WDR90: variants seen among roughly 807,000 people sequenced by gnomAD.
WDR90 encodes the protein WD repeat-containing protein 90.
In WDR90, 238 loss-of-function variants were observed where a neutral mutation model predicts 195.2. The ratio of observed to expected loss-of-function variants is 1.22; its 90% CI spans 1.10 to 1.36. WDR90 has a LOEUF of 1.36. WDR90 is among the 40% of genes most tolerant of loss of function. WDR90 has a pLI of 0.00. For synonymous variants in WDR90, 1,265 were observed against 1,052.4 expected, an observed-to-expected ratio of 1.20 and a Z score of -3.91; for missense variants, 2,734 against 2,439.5, an observed-to-expected ratio of 1.12 and a Z score of -2.54.
Position 662,872 on chromosome 16 carries a change from C to T in WDR90, c.4311+28C>T, listed in dbSNP as rs142754482. ...GAGGGACTTCCAGCCTGGGCAGAGG[C>T]GGGGCAGCCGAACCTGGTGCCCTCC... On this transcript the variant is annotated intron_variant, in intron 34 of 40. Coordinates refer to ENST00000293879, the MANE Select transcript of WDR90 (RefSeq NM_145294.5). 1.2e-3 allele frequency: 1,859 copies of T among 1,537,506 alleles called. 19 individuals are homozygous for T. The African/African-American group carries it at 0.022, about 18-fold the overall frequency.
Position 658,167 on chromosome 16 carries a change from T to A in WDR90, c.2605-16T>A, listed in dbSNP as rs2037801543. On this transcript the variant is annotated splice_polypyrimidine_tract_variant and intron_variant, in intron 21 of 40. Coordinates refer to ENST00000293879, the MANE Select transcript of WDR90 (RefSeq NM_145294.5). The stretch of plus-strand genomic sequence containing the variant: ...CCCAGGGGCCCTGACTGTCGGCCAC[T>A]TACCACTACCCCCAGCTGCTGCGAG... The A allele has an allele frequency of 6.2e-7, 1 of 1,601,240 alleles. No individual in the cohort carries two copies. Among genetic ancestry groups the A allele is most frequent in the South Asian group, 1.1e-5 (1 of 90,610 alleles).
rs1482383739 is a variant in WDR90, at chr16:666,106, G to C, written c.4591G>C (p.Val1531Leu). The C allele has an allele frequency of 2.5e-6, 4 of 1,610,280 alleles. No homozygotes were observed. The African/African-American group carries it at 4.0e-5, about 16-fold the overall frequency. The change falls in exon 36 of 41, where the codon GTT (valine) becomes CTT (leucine). Residue 1531 changes from valine to leucine, a missense_variant. Coordinates refer to ENST00000293879, the MANE Select transcript of WDR90 (RefSeq NM_145294.5). Reference sequence around the variant, plus strand: ...CCCCCACCCGGTGGCGCTGACCACTGTTGCCTTCTCCACCGATGGTGAGGA... The same window carrying C: ...CCCCCACCCGGTGGCGCTGACCACTCTTGCCTTCTCCACCGATGGTGAGGA... ...MHPHPVALTT[V>L]AFSTDGQTVL... is the part of the protein sequence containing the mutation.
intron 17 of WDR90, 26 bp downstream of exon 17, chr16:655,915 A>C: frequency 1.3e-6 from 2 of 1,567,288 alleles, no homozygotes; most frequent in Non-Finnish European, 1.7e-6. Flanking sequence ...CGCTCTCCCA[A>C]CTCCGGGAGA....
Position 658,528 on chromosome 16 carries a change from C to T in WDR90, c.2770C>T (p.Pro924Ser), listed in dbSNP as rs779264930. 11 of 1,608,962 alleles carry T rather than the reference C, an allele frequency of 6.8e-6. No individual in the cohort carries two copies. In the Admixed American group the frequency reaches 1.8e-4, roughly 27 times the overall value. Residue 924 changes from proline to serine, a missense_variant, in exon 23 of 41, where the codon CCC becomes TCC. Pro to Ser is a moderately conservative substitution (Grantham distance 74). Coordinates refer to ENST00000293879, the MANE Select transcript of WDR90 (RefSeq NM_145294.5). ...AVSGRIIREL[P>S]GVHPEPCPSL... ...TCCCAAGAGCACTGTGTTCCAGCTG[C>T]CCGGTGTCCACCCTGAGCCCTGCCC...
intron 10 of WDR90, among the ~76,000 whole-genome samples, 171 bp from the exon 11 acceptor site, chr16:653,170 T>C (rs1451003358): frequency 6.6e-6 from 1 of 152,196 alleles, no homozygotes; most frequent in African/African-American, 2.4e-5. Context: ...GTATGTAGTG[T>C]GTGCAGGGTG....
In WDR90 at chr16:658,923, C is replaced by T. The variant is rs950022458; in HGVS notation, c.2923C>T (p.Gln975Ter). The change falls in exon 24 of 41, where the codon CAG (glutamine) becomes TAG (stop). Residue 975 changes from glutamine (Q) to a stop codon, truncating the protein, a stop_gained. Transcript: ENST00000293879. LOFTEE classifies it high-confidence loss of function. ...QVYIGHSEPV[Q>*]AVAFSPDQQQ... The stretch of plus-strand genomic sequence containing the variant: ...GTACATCGGCCACTCGGAACCCGTG[C>T]AGGCTGTGGCCTTCTCTCCTGACCA... 31 of 1,612,420 alleles carry T rather than the reference C, an allele frequency of 1.9e-5. No individual in the cohort carries two copies. In the Admixed American group the frequency reaches 4.2e-4, roughly 22 times the overall value.
chr16:658,076 C>T (rs2037799522), intron 21 of WDR90, 107 bp from the exon 22 acceptor site: 7 of 1,486,930 alleles, frequency 4.7e-6, no homozygotes, highest in Non-Finnish European at 6.3e-6. Context: ...CAGGTGCTGC[C>T]TGGGTGCCGA....
Position 653,831 on chromosome 16 carries a change from G to A in WDR90, c.1437+28G>A, listed in dbSNP as rs867974686. On this transcript the variant is annotated intron_variant, in intron 13 of 40. Coordinates refer to ENST00000293879, the MANE Select transcript of WDR90 (RefSeq NM_145294.5). ...AACAGGGCCCTGGCTGCGGGTTGGG[G>A]TGGGGCTGTCCTGATGCACGCAGAC... 2.2e-5 allele frequency: 35 copies of A among 1,612,368 alleles called. No homozygotes were observed. The Middle Eastern group carries it at 2.8e-3, about 129-fold the overall frequency.
chr16:653,611 C>T lies in WDR90; in HGVS notation c.1320C>T (p.Phe440=). 3 of 1,613,528 alleles carry T rather than the reference C, an allele frequency of 1.9e-6. No homozygotes were observed. The highest frequency in any genetic ancestry group is 2.5e-6 in the Non-Finnish European group (3 of 1,180,006). The part of the protein sequence containing the change: ...RAPSVMRLWD[F]QTGRCLCLFR... ...CTAGTGTGATGCGGCTCTGGGACTT[C>T]CAGACCGGGCGGTGCTTGTGCCTGT... Residue 440 remains phenylalanine, a synonymous_variant, in exon 12 of 41, where the codon TTC becomes TTT. Coordinates refer to ENST00000293879, the MANE Select transcript of WDR90 (RefSeq NM_145294.5).
Position 661,155 on chromosome 16 carries a change from C to T in WDR90, c.3496C>T (p.Leu1166Phe). ...CTCTGCGGAGATCTCCACGCTGGCCCTCAGCCACAGTGCCCAGGTGCCCGC... is the reference window on the plus strand; with the variant it reads ...CTCTGCGGAGATCTCCACGCTGGCCTTCAGCCACAGTGCCCAGGTGCCCGC... ...GHSAEISTLA[L>F]SHSAQVLASA... The change falls in exon 29 of 41, where the codon CTC becomes TTC. Residue 1166 changes from leucine (L) to phenylalanine (F), a missense_variant. Leu to Phe is a conservative substitution (Grantham distance 22). Transcript: ENST00000293879. 1 of 1,554,202 alleles carries T rather than the reference C, an allele frequency of 6.4e-7. No individual in the cohort carries two copies. Among genetic ancestry groups the T allele is most frequent in the Non-Finnish European group, 8.6e-7 (1 of 1,156,234 alleles).
At chr16:659,716 C>T (rs1015998266) in intron 26 of WDR90, among the ~76,000 whole-genome samples, 3 of 152,208 alleles carry the variant, frequency 2.0e-5, no homozygotes, top group Non-Finnish European at 4.4e-5. Flanking sequence ...GAGGAGGAGG[C>T]TGGCAGGGCT....
intron 13 of WDR90, 23 bp downstream of exon 13, chr16:653,826 T>G (rs762230975): frequency 1.3e-4 from 212 of 1,612,436 alleles, no homozygotes; most frequent in Non-Finnish European, 1.6e-4. Context: ...TGGCTGCGGG[T>G]TGGGGTGGGG....
intron 12 of WDR90, 33 bp from the exon 13 acceptor site, chr16:653,713 A>G (rs2037690682): frequency 6.2e-7 from 1 of 1,613,280 alleles, no homozygotes; most frequent in Non-Finnish European, 8.5e-7. Context: ...GGGTCAGCCC[A>G]GGCGACAATG....
chr16:664,744 A>G (rs1458398437), intron 34 of WDR90, among the ~76,000 whole-genome samples: 1 of 149,482 alleles, frequency 6.7e-6, no homozygotes, highest in Admixed American at 6.7e-5. Context: ...CAGTGGCATG[A>G]TCTTGGCTCA....
chr16:667,019 G>C lies in WDR90; in HGVS notation c.5089+30G>C, dbSNP rs1293670609. ...GTGCTGGTGGATGCAGTTTGGGCCTGTCTTAGGTGGGGGCCAAGTGGGCTG... is the reference window on the plus strand; with the variant it reads ...GTGCTGGTGGATGCAGTTTGGGCCTCTCTTAGGTGGGGGCCAAGTGGGCTG... On this transcript the variant is annotated intron_variant, in intron 40 of 40. Coordinates refer to ENST00000293879, the MANE Select transcript of WDR90 (RefSeq NM_145294.5). 5 of 1,564,428 alleles carry C rather than the reference G, an allele frequency of 3.2e-6. No homozygotes were observed. In the Admixed American group the frequency reaches 9.5e-5, roughly 30 times the overall value.
At chr16:666,434 C>T in intron 37 of WDR90, 21 bp from the exon 38 acceptor site, 1 of 1,608,860 alleles carries the variant, frequency 6.2e-7, no homozygotes, top group Non-Finnish European at 8.5e-7. Flanking sequence ...ACCTGTCGGC[C>T]CTCACCCACT....
chr16:652,362 T>C, intron 9 of WDR90, 105 bp from the exon 10 acceptor site: 2 of 1,358,068 alleles, frequency 1.5e-6, no homozygotes, highest in South Asian at 2.8e-5. Context: ...GGCAGTCTTC[T>C]TGAGAGGCAG....
At position 661,895 on chromosome 16, in the gene WDR90, G is replaced by T. The variant is rs200973161; in HGVS notation, c.3869G>T (p.Arg1290Leu). 1.2e-6 allele frequency: 2 copies of T among 1,608,888 alleles called. No homozygotes were observed. Among genetic ancestry groups the T allele is most frequent in the South Asian group, 2.2e-5 (2 of 90,920 alleles). ...QRGADISLQVRREPVPEAVGA... is the reference protein window; with the variant it reads ...QRGADISLQVLREPVPEAVGA... ...GCCACTCTCATACTTTGCCAGGTGC[G>T]TCGAGAGCCAGTCCCAGAGGCAGTG... is the stretch of plus-strand genomic sequence containing the variant. The change falls in exon 32 of 41, where the codon CGT (arginine) becomes CTT (leucine). Residue 1290 changes from arginine to leucine, a missense_variant. By Grantham distance (102) the Arg-to-Leu change is moderately radical. Coordinates refer to ENST00000293879, the MANE Select transcript of WDR90 (RefSeq NM_145294.5).
intron 26 of WDR90, 57 bp from the exon 27 acceptor site, chr16:660,001 G>A (rs1022019018): frequency 7.7e-7 from 1 of 1,291,762 alleles, no homozygotes; most frequent in Non-Finnish European, 1.1e-6. Flanking sequence ...TGTAGTGTGG[G>A]GTCTCTGAAG....
Sources: gnomAD v4.1 joint callset for allele counts (sites outside exome capture counted in the v4.1 genomes callset) on GRCh38, gnomAD v4.1.1 for gene constraint, MANE v1.5 for transcripts, NCBI Gene and HGNC (gene_info 2026-07-23, HGNC 2026-07-21) for gene names.